The following PDLIM1 variants were observed in gnomAD, a reference collection of about 807,000 sequenced individuals.
PDLIM1 encodes the protein PDZ and LIM domain protein 1.
PDLIM1 carries 25 observed loss-of-function variants against 35.2 expected under a neutral mutation model. The observed-to-expected ratio is 0.71, with a 90% CI of 0.52 to 0.99. The LOEUF is 0.99. PDLIM1 is among the 50% of genes least tolerant of loss of function. PDLIM1 has a pLI of 0.00. For missense variants in PDLIM1, 363 were observed against 415.3 expected, an observed-to-expected ratio of 0.87 and a Z score of 1.09; for synonymous variants, 152 against 154.0, an observed-to-expected ratio of 0.99 and a Z score of 0.10.
At chr10:95,244,367 CT>C (rs1380598043) in intron 5 of PDLIM1, among the ~76,000 whole-genome samples, 1 of 152,210 alleles carries the variant, frequency 6.6e-6, no homozygotes, top group East Asian at 1.9e-4. Context: ...TTACTTAACC[CT>C]GTAAACAATC....
rs1434553228 is a variant in PDLIM1, at chr10:95,290,647, G to A, written c.96+173C>T. Among the ~76,000 whole-genome samples, 2 of 151,742 alleles carry A rather than the reference G, an allele frequency of 1.3e-5. No homozygotes were observed. Among genetic ancestry groups the A allele is most frequent in the East Asian group, 3.9e-4 (2 of 5,144 alleles). On this transcript the variant is annotated intron_variant, in intron 1 of 6. Coordinates refer to ENST00000329399, the MANE Select transcript of PDLIM1 (RefSeq NM_020992.4). The surrounding 1 kb of genome is among the most constrained non-coding windows in gnomAD (Gnocchi z 4.7). The stretch of plus-strand genomic sequence containing the variant: ...GCCCGGGAGCGCAGCCTCCGCGAAG[G>A]GGCGGCGGGGAGCGGCGGGGCCCGG...
At chr10:95,268,738 T>G (rs572281505) in intron 3 of PDLIM1, 40 bp downstream of exon 3, 2 of 1,298,794 alleles carry the variant, frequency 1.5e-6, no homozygotes, top group African/African-American at 2.9e-5. Context: ...GGCAAAGTGC[T>G]GGGTGGTGAG....
chr10:95,250,701 C>T (rs916835956), intron 4 of PDLIM1, among the ~76,000 whole-genome samples: 7 of 152,268 alleles, frequency 4.6e-5, no homozygotes, highest in South Asian at 4.1e-4. Context: ...GTTTTGACGG[C>T]GTAACAGTGA....
At chr10:95,250,081 T>C (rs1293345725) in intron 4 of PDLIM1, among the ~76,000 whole-genome samples, 2 of 152,226 alleles carry the variant, frequency 1.3e-5, no homozygotes, top group African/African-American at 2.4e-5. Context: ...CTTTGAGTTA[T>C]ATGCCTGACT....
chr10:95,257,659 G>A (rs746478195), intron 4 of PDLIM1, among the ~76,000 whole-genome samples: 1 of 152,176 alleles, frequency 6.6e-6, no homozygotes, highest in African/African-American at 2.4e-5. Flanking sequence ...ACAAATGTTG[G>A]TAAGGTTGTG....
At chr10:95,275,159 C>T (rs2035500188) in intron 1 of PDLIM1, among the ~76,000 whole-genome samples, 1 of 152,180 alleles carries the variant, frequency 6.6e-6, no homozygotes, top group Admixed American at 6.5e-5. Flanking sequence ...TGCCCCCCGA[C>T]CAAGATGCGA....
At chr10:95,265,799 G>C (rs1344344877) in intron 3 of PDLIM1, among the ~76,000 whole-genome samples, 1 of 151,902 alleles carries the variant, frequency 6.6e-6, no homozygotes, top group Non-Finnish European at 1.5e-5. Context: ...TACTTGAGAG[G>C]GCTGAGGCAG....
intron 6 of PDLIM1, 120 bp downstream of exon 6, chr10:95,238,448 T>C: frequency 1.4e-6 from 1 of 738,188 alleles, no homozygotes; most frequent in East Asian, 2.5e-5. Flanking sequence ...CTCTGTTGCA[T>C]TTTTCCAGGA....
intron 1 of PDLIM1, among the ~76,000 whole-genome samples, chr10:95,282,478 C>G (rs1174605240): frequency 1.3e-5 from 2 of 152,178 alleles, no homozygotes; most frequent in African/African-American, 4.8e-5. Flanking sequence ...TAAGTTGCAC[C>G]TTAATCCAGC....
intron 1 of PDLIM1, among the ~76,000 whole-genome samples, chr10:95,279,593 C>T (rs886748153): frequency 6.6e-6 from 1 of 152,166 alleles, no homozygotes; most frequent in Non-Finnish European, 1.5e-5. Context: ...TTTGTTGATT[C>T]AACCAACACG....
At chr10:95,264,268 G>A (rs746729791) in intron 3 of PDLIM1, among the ~76,000 whole-genome samples, 4 of 152,118 alleles carry the variant, frequency 2.6e-5, no homozygotes, top group African/African-American at 9.7e-5. Context: ...GCACCTGTGC[G>A]AGTTCACACC....
At chr10:95,274,944 A>G (rs2035498602) in intron 1 of PDLIM1, among the ~76,000 whole-genome samples, 1 of 152,194 alleles carries the variant, frequency 6.6e-6, no homozygotes, top group South Asian at 2.1e-4. Context: ...AAAACTAACG[A>G]AAGACCACCA....
intron 5 of PDLIM1, among the ~76,000 whole-genome samples, chr10:95,241,730 C>T (rs1342664315): frequency 6.6e-6 from 1 of 152,164 alleles, no homozygotes; most frequent in Non-Finnish European, 1.5e-5. Context: ...TGTGGTTTGG[C>T]CCTGTTCCCA....
chr10:95,271,905 T>A, intron 1 of PDLIM1, 121 bp from the exon 2 acceptor site: 1 of 799,180 alleles, frequency 1.3e-6, no homozygotes, highest in South Asian at 1.7e-5. Context: ...GCTGAAATCA[T>A]AGCTTAAATA....
chr10:95,256,974 TAAAAAAAAAAAAA>T (rs1186043233), intron 4 of PDLIM1, among the ~76,000 whole-genome samples: 29 of 17,330 alleles, frequency 1.7e-3, no homozygotes, highest in Admixed American at 4.6e-3. Context: ...GACTTCATCT[TAAAAAAAAAAAAA>T]AAGAAAGAAA....
intron 4 of PDLIM1, among the ~76,000 whole-genome samples, chr10:95,256,403 A>C (rs2035310904): frequency 6.6e-6 from 1 of 152,208 alleles, no homozygotes; most frequent in African/African-American, 2.4e-5. Flanking sequence ...CTTGAGAAGG[A>C]AAAACAAAAA....
chr10:95,257,022 G>GAAAGAAAGAAAGAAAGA (rs1589510527), intron 4 of PDLIM1, among the ~76,000 whole-genome samples: 1 of 109,466 alleles, frequency 9.1e-6, no homozygotes, highest in Non-Finnish European at 2.2e-5. Context: ...AAGAAAGAAA[G>GAAAGAAAGAAAGAAAGA]AAAGAAAGAA....
intron 3 of PDLIM1, among the ~76,000 whole-genome samples, chr10:95,266,057 G>A (rs2035414316): frequency 6.6e-6 from 1 of 151,896 alleles, no homozygotes; most frequent in Admixed American, 6.6e-5. Context: ...AATTAGCTAG[G>A]CGTGGTGGCA....
At chr10:95,260,981 G>T (rs2035356965) in intron 4 of PDLIM1, among the ~76,000 whole-genome samples, 1 of 152,202 alleles carries the variant, frequency 6.6e-6, no homozygotes, top group South Asian at 2.1e-4. Context: ...TAGGCTGTTG[G>T]TTTTCCCACT....
Sources: gnomAD v4.1 joint callset for allele counts (sites outside exome capture counted in the v4.1 genomes callset) on GRCh38, gnomAD v4.1.1 for gene constraint, Gnocchi (gnomAD v3.1) non-coding constraint, MANE v1.5 for transcripts, NCBI Gene and HGNC (gene_info 2026-07-23, HGNC 2026-07-21) for gene names.